The following PLCH1 variants were observed in gnomAD, a reference collection of about 807,000 sequenced individuals.
PLCH1 encodes the protein phospholipase C eta 1.
PLCH1 carries 60 observed loss-of-function variants against 126.7 expected under a neutral mutation model. The observed-to-expected ratio is 0.47, with a 90% confidence interval of 0.38 to 0.59. PLCH1 has a LOEUF of 0.59. Ranked by LOEUF, PLCH1 falls within the 20% of genes least tolerant of loss-of-function variation. The probability of loss-of-function intolerance (pLI) is 0.00; values close to 1 mark genes in which losing one functional copy is unlikely to be tolerated. For missense variants in PLCH1, 1,723 were observed against 2,040.0 expected (o/e 0.84, Z 2.99); for synonymous variants, 719 against 734.9 (o/e 0.98, Z 0.35).
chr3:155,741,684 C>CTTTTATTTTTTTTTATTTTTAT, intron 1 of PLCH1, among the ~76,000 whole-genome samples: 3 of 102,868 alleles, frequency 2.9e-5, no homozygotes, highest in South Asian at 3.2e-4. Flanking sequence ...TTTATATCCT[C>CTTTTATTTTTTTTTATTTTTAT]TTTTTTTTTT....
At chr3:155,561,740 A>C (rs951449124) in intron 8 of PLCH1, among the ~76,000 whole-genome samples, 2 of 152,094 alleles carry the variant, frequency 1.3e-5, no homozygotes, top group African/African-American at 4.8e-5. Context: ...ACTAGTTTAC[A>C]GTCCCACCAA....
rs1424045975 is a variant in PLCH1, at chr3:155,485,360, A to G, written c.2970T>C (p.Ser990=). 1 of 1,594,248 alleles carries G rather than the reference A, an allele frequency of 6.3e-7. No homozygotes were observed. The highest frequency in any genetic ancestry group is 2.3e-5 in the East Asian group (1 of 44,428). ...GAGAAACTTAAAGCATCTTACCTAGAGAGTTTTCTTTTCCTTCAATGTCTT... is the reference window on the plus strand; with the variant it reads ...GAGAAACTTAAAGCATCTTACCTAGGGAGTTTTCTTTTCCTTCAATGTCTT... ...TAKDIEGKEN[S]LAEDKDGRRK... is the part of the protein sequence containing the mutation. The change falls in exon 22 of 23, where the codon TCT becomes TCC. Residue 990 remains serine, a synonymous_variant. Transcript: ENST00000460012.
At chr3:155,664,275 A>G (rs1742490611) in intron 2 of PLCH1, among the ~76,000 whole-genome samples, 1 of 152,174 alleles carries the variant, frequency 6.6e-6, no homozygotes, top group East Asian at 1.9e-4. Flanking sequence ...CATCTTTCCT[A>G]CTGAAATTAC....
At position 155,541,204 on chromosome 3, in the gene PLCH1, G is replaced by T. The variant is rs964054489; in HGVS notation, c.1362+8583C>A. Among the ~76,000 whole-genome samples, 12 of 152,212 alleles carry T rather than the reference G, an allele frequency of 7.9e-5. No individual in the cohort carries two copies. In the East Asian group the frequency reaches 2.1e-3, roughly 27 times the overall value. ...AAGCTATGAGGGCACAAAGGCACAA[G>T]AATGATATAATAGACTTTGGGGACT... On this transcript the variant is annotated intron_variant, in intron 10 of 22. Coordinates refer to ENST00000460012, the MANE Select transcript of PLCH1 (RefSeq NM_014996.4).
intron 2 of PLCH1, among the ~76,000 whole-genome samples, chr3:155,664,397 G>T (rs1014876343): frequency 1.3e-5 from 2 of 152,188 alleles, no homozygotes; most frequent in Admixed American, 6.5e-5. Flanking sequence ...AACAATAAAA[G>T]AATAAGATCT....
chr3:155,573,948 C>G (rs1010304114), intron 6 of PLCH1, among the ~76,000 whole-genome samples: 1 of 152,088 alleles, frequency 6.6e-6, no homozygotes, highest in Non-Finnish European at 1.5e-5. Context: ...GAGTCTCACT[C>G]TGTTGCCCAG....
At chr3:155,711,378 C>G (rs1276483445) in intron 1 of PLCH1, among the ~76,000 whole-genome samples, 1 of 152,064 alleles carries the variant, frequency 6.6e-6, no homozygotes, top group African/African-American at 2.4e-5. Flanking sequence ...CCAAACAAGT[C>G]ATATGTGGCA....
chr3:155,688,414 C>T (rs2109032884), intron 2 of PLCH1, among the ~76,000 whole-genome samples: 1 of 152,332 alleles, frequency 6.6e-6, no homozygotes, highest in South Asian at 2.1e-4. Context: ...TGACAGAATA[C>T]TGGCTTTTAG....
intron 12 of PLCH1, among the ~76,000 whole-genome samples, chr3:155,514,351 T>C (rs969574141): frequency 2.0e-5 from 3 of 152,112 alleles, no homozygotes; most frequent in Non-Finnish European, 4.4e-5. Flanking sequence ...TGAAGAGCCC[T>C]CAGCCCTGAA....
chr3:155,464,164 T>C (rs552486872), intron 21 of PLCH1, among the ~76,000 whole-genome samples: 3 of 152,220 alleles, frequency 2.0e-5, no homozygotes, highest in African/African-American at 7.2e-5. Context: ...GAGGAGATGA[T>C]GATCAGGAAA....
At chr3:155,464,914 T>C (rs2107976555) in intron 21 of PLCH1, among the ~76,000 whole-genome samples, 1 of 152,140 alleles carries the variant, frequency 6.6e-6, no homozygotes, top group East Asian at 1.9e-4. Context: ...ATCGAGACCA[T>C]ACTGGCTAAC....
intron 12 of PLCH1, among the ~76,000 whole-genome samples, chr3:155,509,176 C>T (rs1369054507): frequency 7.2e-6 from 1 of 139,238 alleles, no homozygotes; most frequent in Non-Finnish European, 1.5e-5. Context: ...TGGTAGTTTG[C>T]ATTTCTGTGC....
At position 155,693,490 on chromosome 3, in the gene PLCH1, A is replaced by G. The variant is rs1297333159; in HGVS notation, c.79+10656T>C. Among the ~76,000 whole-genome samples, 4 of 32,510 alleles carry G rather than the reference A, an allele frequency of 1.2e-4. 2 individuals are homozygous for G. The highest frequency in any genetic ancestry group is 1.8e-4 in the Non-Finnish European group (4 of 21,820). The allele number at this position is 32,510 out of a possible 152,430, so 21.3% of individuals were successfully genotyped here. A position where few individuals can be genotyped will look rare whatever the true frequency, so the allele number is the denominator to read the frequency against. On this transcript the variant is annotated intron_variant, in intron 2 of 22. Coordinates refer to ENST00000460012, the MANE Select transcript of PLCH1 (RefSeq NM_014996.4). ...CCGTCTCAAAAAAAAAAAAAAAAAA[A>G]AAAAAGAAAGCACAGACTTAAAACA...
chr3:155,506,561 T>A (rs1718779848), intron 12 of PLCH1, among the ~76,000 whole-genome samples: 1 of 122,302 alleles, frequency 8.2e-6, no homozygotes, highest in South Asian at 2.9e-4. Context: ...GTCCATGTGA[T>A]CTCATTGTTC....
At chr3:155,596,967 T>C (rs1288165753) in intron 2 of PLCH1, among the ~76,000 whole-genome samples, 2 of 152,230 alleles carry the variant, frequency 1.3e-5, no homozygotes, top group African/African-American at 2.4e-5. Context: ...ACTGCTAAGA[T>C]AACCCTTCTA....
At chr3:155,702,100 T>C (rs114032765) in intron 2 of PLCH1, among the ~76,000 whole-genome samples, 2,965 of 152,276 alleles carry the variant, frequency 0.019, 97 homozygotes, top group African/African-American at 0.069. Context: ...CTTGTGTATC[T>C]TGTGTTTAGT....
At chr3:155,579,802 C>T (rs1034317214) in intron 6 of PLCH1, among the ~76,000 whole-genome samples, 1 of 152,102 alleles carries the variant, frequency 6.6e-6, no homozygotes, top group African/African-American at 2.4e-5. Context: ...TAGATATCCA[C>T]CTGGAATTAC....
intron 1 of PLCH1, among the ~76,000 whole-genome samples, chr3:155,707,388 T>C (rs1559953336): frequency 6.6e-6 from 1 of 152,084 alleles, no homozygotes; most frequent in Admixed American, 6.5e-5. Flanking sequence ...TTTTGACCTA[T>C]AGAAACAGCG....
intron 9 of PLCH1, among the ~76,000 whole-genome samples, chr3:155,551,559 A>G (rs1726143556): frequency 6.6e-6 from 1 of 150,590 alleles, no homozygotes; most frequent in African/African-American, 2.4e-5. Context: ...CCCCCAGTAC[A>G]GGAGACGCTT....
Sources: gnomAD v4.1 joint callset for allele counts (sites outside exome capture counted in the v4.1 genomes callset) on GRCh38, gnomAD v4.1.1 for gene constraint, MANE v1.5 for transcripts, NCBI Gene and HGNC (gene_info 2026-07-23, HGNC 2026-07-21) for gene names.